EYS: variants seen among roughly 807,000 people sequenced by gnomAD.
The protein encoded by EYS is EGF-like photoreceptor maintenance factor, also known as protein eyes shut homolog.
In EYS, 250 loss-of-function variants were observed where a neutral mutation model predicts 282.1. That is an observed-to-expected ratio of 0.89 (90% CI 0.80 to 0.98). EYS has a LOEUF of 0.98. Ranked by LOEUF, EYS falls within the 50% of genes least tolerant of loss-of-function variation. The pLI is 0.00. For missense variants in EYS, 4,016 were observed against 3,709.0 expected (o/e 1.08, Z -2.15); for synonymous variants, 1,355 against 1,282.9 (o/e 1.06, Z -1.20).
intron 18 of EYS, among the ~76,000 whole-genome samples, chr6:64,899,900 C>G (rs889910439): frequency 6.6e-6 from 1 of 152,032 alleles, no homozygotes; most frequent in Non-Finnish European, 1.5e-5. Flanking sequence ...TCGTATGGAA[C>G]CAAAAAAGAG....
chr6:64,127,988 A>C (rs527486820), intron 31 of EYS, among the ~76,000 whole-genome samples: 2 of 152,198 alleles, frequency 1.3e-5, no homozygotes, highest in Admixed American at 6.5e-5. Context: ...ATATTTAATC[A>C]TGAAAATTGG....
chr6:63,876,579 G>A (rs187489668), intron 35 of EYS, among the ~76,000 whole-genome samples: 7 of 152,252 alleles, frequency 4.6e-5, no homozygotes, highest in African/African-American at 1.7e-4. Flanking sequence ...GGGTGTTAAA[G>A]TCTCCCATTA....
Position 65,334,973 on chromosome 6 carries a change from T to A in EYS, c.1766+7A>T. 3 of 1,604,518 alleles carry A rather than the reference T, an allele frequency of 1.9e-6. No homozygotes were observed. Among genetic ancestry groups the A allele is most frequent in the Non-Finnish European group, 2.6e-6 (3 of 1,173,370 alleles). On this transcript the variant is annotated splice_region_variant and intron_variant, in intron 11 of 42. Transcript: ENST00000503581. ...TGATATTATCTGCTCAAATGATACATAAATACCTGGGTCTATTAATTTCAT... is the reference window on the plus strand; with the variant it reads ...TGATATTATCTGCTCAAATGATACAAAAATACCTGGGTCTATTAATTTCAT...
chr6:64,897,949 G>T (rs371794838), intron 18 of EYS, among the ~76,000 whole-genome samples: 1 of 152,186 alleles, frequency 6.6e-6, no homozygotes, highest in Non-Finnish European at 1.5e-5. Flanking sequence ...AGAAATATGG[G>T]ACTATGTGAA....
chr6:64,249,395 AG>A (rs1160701364), intron 30 of EYS, among the ~76,000 whole-genome samples: 1 of 152,114 alleles, frequency 6.6e-6, no homozygotes, highest in Non-Finnish European at 1.5e-5. Flanking sequence ...AGGAAGTTGG[AG>A]GGGGGTGGAT....
At chr6:64,965,957 T>A (rs1770081939) in intron 14 of EYS, among the ~76,000 whole-genome samples, 1 of 140,860 alleles carries the variant, frequency 7.1e-6, no homozygotes, top group Non-Finnish European at 1.5e-5. Flanking sequence ...ATTGTGAGTG[T>A]GTGTGTGTGT....
chr6:65,142,507 C>CACAT (rs1444667467), intron 12 of EYS, among the ~76,000 whole-genome samples: 4 of 151,394 alleles, frequency 2.6e-5, no homozygotes, highest in African/African-American at 9.7e-5. Flanking sequence ...CACACACACA[C>CACAT]ACACACACAC....
At chr6:64,997,822 G>A in intron 13 of EYS, 119 bp from the exon 14 acceptor site, 1 of 809,910 alleles carries the variant, frequency 1.2e-6, no homozygotes, top group Admixed American at 3.2e-5. Context: ...AATAAAGTAA[G>A]AATTATTATA....
At chr6:64,299,124 C>A (rs927281873) in intron 30 of EYS, among the ~76,000 whole-genome samples, 8 of 152,134 alleles carry the variant, frequency 5.3e-5, no homozygotes, top group Non-Finnish European at 8.8e-5. Context: ...ATCCTCTTAC[C>A]CTGAGTTAAT....
chr6:65,670,198 T>A (rs772300013), intron 1 of EYS, among the ~76,000 whole-genome samples: 3 of 151,224 alleles, frequency 2.0e-5, no homozygotes, highest in Non-Finnish European at 4.4e-5. Flanking sequence ...TTGAATGCTA[T>A]TTACTGTTCA....
At chr6:65,006,303 T>C (rs9445452) in intron 13 of EYS, among the ~76,000 whole-genome samples, 5,459 of 150,880 alleles carry the variant, frequency 0.036, 317 homozygotes, top group African/African-American at 0.13. Context: ...CCAGGGTAAA[T>C]TTAAAACCTG....
At chr6:65,143,806 C>T (rs1274080710) in intron 12 of EYS, among the ~76,000 whole-genome samples, 1 of 152,088 alleles carries the variant, frequency 6.6e-6, no homozygotes, top group Non-Finnish European at 1.5e-5. Flanking sequence ...GAACGTGGCT[C>T]ATTTATCTTT....
intron 31 of EYS, among the ~76,000 whole-genome samples, chr6:64,190,904 C>T (rs912590256): frequency 1.3e-5 from 2 of 152,124 alleles, no homozygotes; most frequent in Non-Finnish European, 2.9e-5. Flanking sequence ...GGTGTCTTGA[C>T]GTTTCAAGAA....
chr6:64,867,243 T>C (rs1372841727), intron 19 of EYS, among the ~76,000 whole-genome samples: 1 of 147,104 alleles, frequency 6.8e-6, no homozygotes, highest in Non-Finnish European at 1.5e-5. Context: ...GTTTTTATTT[T>C]AGTTTTCTAC....
At chr6:64,041,897 A>G (rs1223208583) in intron 33 of EYS, among the ~76,000 whole-genome samples, 1 of 152,156 alleles carries the variant, frequency 6.6e-6, no homozygotes, top group Non-Finnish European at 1.5e-5. Flanking sequence ...TCTTTTTTTA[A>G]ATGTTCAAAG....
rs1714047722 is a variant in EYS, at chr6:63,774,980, A to G, written c.7898+3026T>C. Among the ~76,000 whole-genome samples, 4 of 151,900 alleles carry G rather than the reference A, an allele frequency of 2.6e-5. No individual in the cohort carries two copies. In the South Asian group the frequency reaches 8.3e-4, roughly 32 times the overall value. On this transcript the variant is annotated intron_variant, in intron 40 of 42. Coordinates refer to ENST00000503581, the MANE Select transcript of EYS (RefSeq NM_001142800.2). ...AACCCATTTTTTGTTTTTCACTTAA[A>G]AATTTTGTTTTAATGTAACCTTTTT...
intron 12 of EYS, among the ~76,000 whole-genome samples, chr6:65,097,528 C>T (rs771912163): frequency 6.6e-6 from 1 of 150,718 alleles, no homozygotes; most frequent in African/African-American, 2.4e-5. Context: ...AATCAGGACT[C>T]GATGAAATAG....
At chr6:64,796,041 CT>C (rs1212773188) in intron 22 of EYS, among the ~76,000 whole-genome samples, 2 of 152,102 alleles carry the variant, frequency 1.3e-5, no homozygotes, top group Non-Finnish European at 1.5e-5. Context: ...CTAACGTATG[CT>C]GAAACTAAGT....
intron 12 of EYS, among the ~76,000 whole-genome samples, chr6:65,203,335 G>C (rs539157812): frequency 3.3e-5 from 5 of 152,204 alleles, no homozygotes; most frequent in African/African-American, 1.2e-4. Context: ...TAGGGAACTA[G>C]ATATGCAACC....
Sources: allele counts gnomAD v4.1 joint callset (sites outside exome capture counted in the v4.1 genomes callset), GRCh38; gene constraint gnomAD v4.1.1; transcripts MANE v1.5; gene names NCBI Gene and HGNC (gene_info 2026-07-23, HGNC 2026-07-21).